The following PCDH7 variants were observed in gnomAD, a reference collection of about 807,000 sequenced individuals.
The protein encoded by PCDH7 is protocadherin 7.
A neutral mutation model predicts 58.9 loss-of-function variants in PCDH7; 17 were observed. That is an observed-to-expected ratio of 0.29 (90% CI 0.20 to 0.43). The LOEUF (loss-of-function observed/expected upper bound fraction) is 0.43, where lower values mean the gene tolerates loss of function less well. PCDH7 is among the 20% of genes least tolerant of loss of function. The pLI, the probability that PCDH7 is intolerant of heterozygous loss-of-function variation, is 1.00. For missense variants in PCDH7, 1,274 were observed against 1,441.0 expected (o/e 0.88, Z 1.88); for synonymous variants, 664 against 616.4 (o/e 1.08, Z -1.14).
chr4:30,902,961 T>A (rs1246414865), intron 1 of PCDH7, among the ~76,000 whole-genome samples: 1 of 152,164 alleles, frequency 6.6e-6, no homozygotes, highest in African/African-American at 2.4e-5. Context: ...TTGTGGCATT[T>A]ACTATTGGAT....
intron 3 of PCDH7, among the ~76,000 whole-genome samples, chr4:30,992,793 C>CTTTTTTTTTTTTTTTTTT (rs577504420): frequency 1.0e-5 from 1 of 95,666 alleles, no homozygotes; most frequent in Non-Finnish European, 2.0e-5. Flanking sequence ...CTGTCCCATT[C>CTTTTTTTTTTTTTTTTTT]TTTTTTTTTT....
chr4:30,770,871 A>G (rs561264358), intron 1 of PCDH7, among the ~76,000 whole-genome samples: 71 of 152,320 alleles, frequency 4.7e-4, no homozygotes, highest in African/African-American at 1.7e-3. Flanking sequence ...CATATACACT[A>G]TATGATTTAT....
intron 1 of PCDH7, among the ~76,000 whole-genome samples, chr4:30,822,623 A>AT (rs556868525): frequency 1.8e-4 from 27 of 151,352 alleles, no homozygotes; most frequent in African/African-American, 5.1e-4. Flanking sequence ...AAAAATTTAT[A>AT]TTTTTTTTTA....
chr4:31,040,276 C>T (rs555305385), intron 3 of PCDH7, among the ~76,000 whole-genome samples: 1 of 152,120 alleles, frequency 6.6e-6, no homozygotes, highest in Non-Finnish European at 1.5e-5. Context: ...CCCACTCTTC[C>T]CTGACTCATC....
intron 1 of PCDH7, among the ~76,000 whole-genome samples, chr4:30,828,981 C>T (rs1729447048): frequency 6.6e-6 from 1 of 152,000 alleles, no homozygotes; most frequent in Non-Finnish European, 1.5e-5. Flanking sequence ...TTGAATGTGG[C>T]TGTTAGGACA....
chr4:30,936,263 A>G (rs576807218), intron 2 of PCDH7, among the ~76,000 whole-genome samples: 3 of 152,100 alleles, frequency 2.0e-5, no homozygotes, highest in Admixed American at 6.6e-5. Flanking sequence ...TTTACAGATG[A>G]TGAAGGTGAG....
In PCDH7 at chr4:30,869,258, T is replaced by C. The variant is rs144704669; in HGVS notation, c.71-50895T>C. ...TTAAGATATTGTAGTTTAGCCTGTG[T>C]AAACTCAGAAAATAATTATGTTGAT... On this transcript the variant is annotated intron_variant, in intron 1 of 3. Coordinates refer to the PCDH7 transcript ENST00000509759. Among the ~76,000 whole-genome samples the C allele has an allele frequency of 1.4e-3, 209 of 151,880 alleles. No individual in the cohort carries two copies. In the Middle Eastern group the frequency reaches 0.017, roughly 12 times the overall value.
intron 3 of PCDH7, among the ~76,000 whole-genome samples, chr4:31,088,715 T>G (rs187261664): frequency 1.3e-5 from 2 of 152,144 alleles, no homozygotes; most frequent in South Asian, 4.1e-4. Context: ...TTTGTTTTTT[T>G]AAAAATGTCA....
intron 1 of PCDH7, among the ~76,000 whole-genome samples, chr4:30,829,881 G>A (rs540336917): frequency 5.9e-5 from 9 of 152,084 alleles, no homozygotes; most frequent in South Asian, 2.1e-4. Flanking sequence ...TTTATAGCCC[G>A]CATTCATTAT....
intron 1 of PCDH7, among the ~76,000 whole-genome samples, chr4:30,885,452 A>G (rs1737581229): frequency 6.6e-6 from 1 of 152,182 alleles, no homozygotes; most frequent in South Asian, 2.1e-4. Flanking sequence ...CCTAATGAGC[A>G]CGATGTGAGT....
chr4:30,877,228 G>A (rs1329014112), intron 1 of PCDH7, among the ~76,000 whole-genome samples: 1 of 152,104 alleles, frequency 6.6e-6, no homozygotes, highest in Admixed American at 6.6e-5. Context: ...AAGCTAGACA[G>A]GCCAGAGCTA....
intron 3 of PCDH7, among the ~76,000 whole-genome samples, chr4:31,051,406 G>A (rs1756720048): frequency 6.6e-6 from 1 of 152,126 alleles, no homozygotes; most frequent in Non-Finnish European, 1.5e-5. Flanking sequence ...CAAAAATAGA[G>A]CAGCAGAACT....
intron 3 of PCDH7, among the ~76,000 whole-genome samples, chr4:31,116,822 G>A (rs115177108): frequency 3.3e-5 from 5 of 151,772 alleles, no homozygotes; most frequent in Non-Finnish European, 7.4e-5. Context: ...TATTTGTGGG[G>A]TTTTTTTGTT....
chr4:31,073,347 C>A (rs1758711514), intron 3 of PCDH7, among the ~76,000 whole-genome samples: 1 of 152,150 alleles, frequency 6.6e-6, no homozygotes, highest in South Asian at 2.1e-4. Flanking sequence ...TATTTAATAT[C>A]TTCTAAGTTA....
intron 3 of PCDH7, among the ~76,000 whole-genome samples, chr4:31,013,416 G>GTA (rs1035317272): frequency 6.7e-6 from 1 of 148,614 alleles, no homozygotes; most frequent in Non-Finnish European, 1.5e-5. Context: ...TTATATACAC[G>GTA]TATATATATA....
At chr4:31,098,737 C>A (rs1027216426) in intron 3 of PCDH7, among the ~76,000 whole-genome samples, 1 of 152,146 alleles carries the variant, frequency 6.6e-6, no homozygotes, top group Non-Finnish European at 1.5e-5. Flanking sequence ...TAGATATGTA[C>A]AGTACATGGC....
intron 2 of PCDH7, among the ~76,000 whole-genome samples, chr4:30,939,388 C>G (rs1482086657): frequency 2.6e-5 from 4 of 152,130 alleles, no homozygotes. Flanking sequence ...TGTGATACTA[C>G]TGGTAATAAA....
At chr4:30,737,125 G>A (rs1234268692), downstream of PCDH7, among the ~76,000 whole-genome samples, 1 of 152,146 alleles carries the variant, frequency 6.6e-6, no homozygotes, top group Non-Finnish European at 1.5e-5. Flanking sequence ...ATTGGCTGGT[G>A]TGACCTTGTG....
At chr4:31,000,384 G>T (rs115959353) in intron 3 of PCDH7, among the ~76,000 whole-genome samples, 1 of 152,214 alleles carries the variant, frequency 6.6e-6, no homozygotes, top group East Asian at 1.9e-4. Flanking sequence ...ATATCTGAAC[G>T]TATTGGCCTT....
Sources: gnomAD v4.1 joint callset for allele counts (sites outside exome capture counted in the v4.1 genomes callset) on GRCh38, gnomAD v4.1.1 for gene constraint, MANE v1.5 for transcripts, NCBI Gene and HGNC (gene_info 2026-07-23, HGNC 2026-07-21) for gene names.